The following AKAP7 variants were observed in gnomAD, a reference collection of about 807,000 sequenced individuals.
The protein encoded by AKAP7 is A kinase (PRKA) anchor protein 7.
Under a neutral mutation model 39.5 loss-of-function variants are expected in AKAP7, and 39 were observed. The ratio of observed to expected loss-of-function variants is 0.99; its 90% CI spans 0.76 to 1.29. The LOEUF is 1.29. AKAP7 is among the 50% of genes most tolerant of loss of function. AKAP7 has a pLI of 0.00. For synonymous variants in AKAP7, 140 were observed against 139.1 expected, an observed-to-expected ratio of 1.01 and a Z score of -0.05; for missense variants, 414 against 407.7, an observed-to-expected ratio of 1.02 and a Z score of -0.13.
intron 7 of AKAP7, among the ~76,000 whole-genome samples, chr6:131,275,837 T>G (rs1435618175): frequency 1.3e-5 from 2 of 152,222 alleles, no homozygotes; most frequent in Non-Finnish European, 2.9e-5. Context: ...CGCCAGCACT[T>G]GCTGTGTTTA....
At chr6:131,179,224 A>C (rs779874692) in intron 5 of AKAP7, among the ~76,000 whole-genome samples, 6 of 151,776 alleles carry the variant, frequency 4.0e-5, no homozygotes, top group Non-Finnish European at 8.8e-5. Context: ...CCCAGGCTGG[A>C]GTGCAGTTGC....
chr6:131,150,867 C>T (rs1374864550), intron 2 of AKAP7, among the ~76,000 whole-genome samples: 4 of 152,160 alleles, frequency 2.6e-5, no homozygotes, highest in South Asian at 4.1e-4. Context: ...GTCCTTAAAA[C>T]GTAACTAGCC....
intron 7 of AKAP7, among the ~76,000 whole-genome samples, chr6:131,235,449 G>C (rs1359292581): frequency 2.6e-5 from 4 of 152,112 alleles, no homozygotes; most frequent in South Asian, 4.1e-4. Flanking sequence ...GGGTCAAATG[G>C]TATTTCTAGT....
At chr6:131,273,239 C>A (rs1358962) in intron 7 of AKAP7, among the ~76,000 whole-genome samples, 1 of 151,768 alleles carries the variant, frequency 6.6e-6, no homozygotes, top group African/African-American at 2.4e-5. Flanking sequence ...TTTTTTGGTA[C>A]ACATCATAGT....
At chr6:131,180,608 G>A (rs1372869327) in intron 5 of AKAP7, among the ~76,000 whole-genome samples, 1 of 152,058 alleles carries the variant, frequency 6.6e-6, no homozygotes, top group Non-Finnish European at 1.5e-5. Flanking sequence ...ATCTTTAAAA[G>A]AGTTGCCTGC....
intron 7 of AKAP7, among the ~76,000 whole-genome samples, chr6:131,239,053 T>C (rs1287703175): frequency 1.3e-5 from 2 of 152,248 alleles, no homozygotes; most frequent in African/African-American, 4.8e-5. Context: ...TACTGGTTGT[T>C]CCTTTCCATG....
At chr6:131,147,924 A>C (rs919412536) in intron 2 of AKAP7, among the ~76,000 whole-genome samples, 14 of 152,372 alleles carry the variant, frequency 9.2e-5, no homozygotes, top group African/African-American at 3.4e-4. Context: ...GGAAAGCAAG[A>C]TACTGCCAGA....
Position 131,160,167 on chromosome 6 carries a change from AT to A in AKAP7, c.263del (p.Phe88SerfsTer12). ...KKKRKDYQPNYFLSIPITNKE... is the reference protein window; with the variant it reads ...KKKRKDYQPNXFLSIPITNKE... ...AAGAGAAAAGATTATCAACCCAACT[AT>A]TTCCTGTCCATTCCAATCACCAACA... On this transcript the variant is annotated frameshift_variant, in exon 3 of 8. Coordinates refer to ENST00000431975, the MANE Select transcript of AKAP7 (RefSeq NM_016377.4). LOFTEE classifies it high-confidence loss of function. 1.2e-6 allele frequency: 2 copies of A among 1,611,942 alleles called. No individual in the cohort carries two copies. Among genetic ancestry groups the A allele is most frequent in the Non-Finnish European group, 1.7e-6 (2 of 1,179,520 alleles).
chr6:131,137,095 G>A (rs911325968), intron 1 of AKAP7, among the ~76,000 whole-genome samples: 14 of 152,076 alleles, frequency 9.2e-5, no homozygotes, highest in African/African-American at 2.9e-4. Flanking sequence ...CCCAAGTAGC[G>A]GGGACTACAG....
chr6:131,144,809 C>T (rs1801343312), intron 1 of AKAP7, among the ~76,000 whole-genome samples: 1 of 151,994 alleles, frequency 6.6e-6, no homozygotes, highest in Admixed American at 6.6e-5. Flanking sequence ...AACTAAATAT[C>T]CAGTGTTAAA....
intron 7 of AKAP7, among the ~76,000 whole-genome samples, chr6:131,276,024 A>G: frequency 6.6e-6 from 1 of 152,082 alleles, no homozygotes; most frequent in East Asian, 1.9e-4. Context: ...CACCCCTACC[A>G]TCCCCAGTGT....
chr6:131,220,962 C>A lies in AKAP7; in HGVS notation c.850+1154C>A, dbSNP rs973933604. Among the ~76,000 whole-genome samples, 12 of 152,022 alleles carry A rather than the reference C, an allele frequency of 7.9e-5. No homozygotes were observed. The South Asian group carries it at 2.3e-3, about 29-fold the overall frequency. On this transcript the variant is annotated intron_variant, in intron 7 of 7. Coordinates refer to ENST00000431975, the MANE Select transcript of AKAP7 (RefSeq NM_016377.4). ...CCTGTGAAGAGTCGTACATCTCTTA[C>A]CTTAAATCAAAAGCTAGAAATGATA...
chr6:131,151,972 T>C (rs967940741), intron 2 of AKAP7, among the ~76,000 whole-genome samples: 1 of 152,226 alleles, frequency 6.6e-6, no homozygotes, highest in Admixed American at 6.5e-5. Flanking sequence ...CATTTCTTTG[T>C]AGTTTTTGAG....
chr6:131,193,594 TC>T (rs1296840585), intron 5 of AKAP7, among the ~76,000 whole-genome samples: 2 of 152,108 alleles, frequency 1.3e-5, no homozygotes, highest in African/African-American at 4.8e-5. Context: ...AAGTATTCCC[TC>T]CCCTCTATTT....
At chr6:131,194,847 A>G (rs1806766710) in intron 5 of AKAP7, among the ~76,000 whole-genome samples, 1 of 152,098 alleles carries the variant, frequency 6.6e-6, no homozygotes, top group African/African-American at 2.4e-5. Flanking sequence ...TGATAGAATC[A>G]TATGCACTCC....
chr6:131,237,016 C>A (rs546738660), intron 7 of AKAP7, among the ~76,000 whole-genome samples: 4 of 152,220 alleles, frequency 2.6e-5, no homozygotes, highest in South Asian at 4.1e-4. Context: ...AGTTTTTGTC[C>A]ATTCAGTATG....
At chr6:131,253,106 G>A (rs1185393394) in intron 7 of AKAP7, 2 of 1,612,528 alleles carry the variant, frequency 1.2e-6, no homozygotes, top group Non-Finnish European at 1.7e-6. Context: ...TGGTCAAGTG[G>A]TAAGAGTCAA....
At chr6:131,169,761 A>G (rs1268809190) in intron 5 of AKAP7, among the ~76,000 whole-genome samples, 1 of 152,220 alleles carries the variant, frequency 6.6e-6, no homozygotes, top group Non-Finnish European at 1.5e-5. Context: ...AGTTTGATCC[A>G]GAGATAATAG....
intron 2 of AKAP7, among the ~76,000 whole-genome samples, chr6:131,152,999 G>A (rs749958579): frequency 1.3e-5 from 2 of 151,512 alleles, no homozygotes; most frequent in African/African-American, 4.9e-5. Flanking sequence ...GCATGGTGGC[G>A]TGTGCCTGTA....
Sources: gnomAD v4.1 joint callset for allele counts (sites outside exome capture counted in the v4.1 genomes callset) on GRCh38, gnomAD v4.1.1 for gene constraint, MANE v1.5 for transcripts, NCBI Gene and HGNC (gene_info 2026-07-23, HGNC 2026-07-21) for gene names.